The following LRRC27 variants were observed in gnomAD, a reference collection of about 807,000 sequenced individuals.
LRRC27 encodes the protein leucine-rich repeat-containing protein 27.
Under a neutral mutation model 55.0 loss-of-function variants are expected in LRRC27, and 57 were observed. The ratio of observed to expected loss-of-function variants is 1.04; its 90% CI spans 0.84 to 1.29. The LOEUF (loss-of-function observed/expected upper bound fraction) is 1.29, where lower values mean the gene tolerates loss of function less well. LRRC27 is among the 50% of genes most tolerant of loss of function. The pLI, the probability that LRRC27 is intolerant of heterozygous loss-of-function variation, is 0.00. For synonymous variants in LRRC27, 278 were observed against 251.9 expected (o/e 1.10, Z -0.98); for missense variants, 721 against 651.5 (o/e 1.11, Z -1.16).
chr10:132,364,365 GCTTACACCCACCCACA>G (rs1274132251), intron 9 of LRRC27, among the ~76,000 whole-genome samples: 421 of 2,256 alleles, frequency 0.19, 35 homozygotes, highest in African/African-American at 0.25. Context: ...CCACACCCGC[GCTTACACCCACCCACA>G]CTTACACCCA....
chr10:132,366,787 C>T, intron 10 of LRRC27: 1 of 1,174,084 alleles, frequency 8.5e-7, no homozygotes, highest in South Asian at 1.5e-5. Context: ...GCCTTCCTGT[C>T]CCCACACCCC....
intron 4 of LRRC27, among the ~76,000 whole-genome samples, chr10:132,343,906 C>T (rs542299062): frequency 2.1e-3 from 326 of 152,370 alleles, no homozygotes; most frequent in African/African-American, 7.4e-3. Context: ...CTGCCCACCA[C>T]GGGAGCCTTA....
chr10:132,373,003 C>T (rs1432542562), intron 10 of LRRC27, among the ~76,000 whole-genome samples: 1 of 152,068 alleles, frequency 6.6e-6, no homozygotes, highest in Non-Finnish European at 1.5e-5. Context: ...GGGGAGCGAG[C>T]TTCGAATGGA....
Position 132,375,772 on chromosome 10 carries a change from G to A in LRRC27, c.*530G>A, listed in dbSNP as rs1025226077. 2 of 152,820 alleles carry A rather than the reference G, an allele frequency of 1.3e-5. No individual in the cohort carries two copies. The highest frequency in any genetic ancestry group is 2.9e-5 in the Non-Finnish European group (2 of 68,626). The allele number at this position is 152,820 out of a possible 1,614,324, so 9.5% of individuals were successfully genotyped here. On this transcript the variant is annotated 3_prime_UTR_variant, in exon 11 of 11. Transcript: ENST00000368614. ...TCCCCTGGGGGCCCTCCTTTCCCCT[G>A]CTCCCTGCCCAGCTACGGGGCCCTC... is the stretch of plus-strand genomic sequence containing the variant.
intron 3 of LRRC27, among the ~76,000 whole-genome samples, chr10:132,340,912 G>A (rs1159342214): frequency 1.3e-5 from 2 of 150,264 alleles, no homozygotes; most frequent in African/African-American, 4.9e-5. Context: ...AAATAACAAG[G>A]AAAATCCAAG....
chr10:132,372,049 G>C lies in LRRC27; in HGVS notation c.1417-3017G>C, dbSNP rs532176989. Among the ~76,000 whole-genome samples the C allele has an allele frequency of 4.0e-4, 61 of 152,414 alleles. No individual in the cohort carries two copies. In the South Asian group the frequency reaches 0.013, roughly 32 times the overall value. ...AGCAAAATGCCAGCAAAGATGCACA[G>C]TGATGCAGCCCCAGAGCCTGAAAAG... On this transcript the variant is annotated intron_variant, in intron 10 of 10. Transcript: ENST00000368614. This position sits in a 1 kb window ranked among gnomAD's most constrained non-coding sequence, Gnocchi z 4.0.
chr10:132,344,687 G>A (rs369400369), intron 5 of LRRC27, 37 bp downstream of exon 5: 15 of 1,603,126 alleles, frequency 9.4e-6, no homozygotes, highest in Admixed American at 5.0e-5. Flanking sequence ...TCACATTAAC[G>A]TTGAAGTTAC....
intron 2 of LRRC27, chr10:132,337,173 A>G (rs186059933): frequency 2.3e-5 from 27 of 1,177,790 alleles, no homozygotes; most frequent in Admixed American, 9.1e-5. Flanking sequence ...TTTGCTCAGT[A>G]AGCAGGCGAT....
rs373942485 is a variant in LRRC27, at chr10:132,365,535, C to T, written c.1401C>T (p.Ala467=). Residue 467 remains alanine, a synonymous_variant, in exon 10 of 11, where the codon GCC becomes GCT. Transcript: ENST00000368614. ...QAPLEEMRKA[A]EDLEIATELQ... Reference sequence around the variant, plus strand: ...CACTGGAGGAGATGAGGAAGGCTGCCGAGGATCTGGAAATTGTAAGGATTT... The same window carrying T: ...CACTGGAGGAGATGAGGAAGGCTGCTGAGGATCTGGAAATTGTAAGGATTT... The T allele has an allele frequency of 8.5e-5, 137 of 1,613,352 alleles. No individual in the cohort carries two copies. Among genetic ancestry groups the T allele is most frequent in the Middle Eastern group, 3.3e-4 (2 of 6,062 alleles).
intron 10 of LRRC27, among the ~76,000 whole-genome samples, chr10:132,368,532 T>C (rs770619784): frequency 5.3e-5 from 8 of 152,252 alleles, no homozygotes; most frequent in South Asian, 2.1e-4. Flanking sequence ...TTAACTGATA[T>C]GACAGAGGAG....
intron 8 of LRRC27, among the ~76,000 whole-genome samples, chr10:132,360,388 G>A (rs557931795): frequency 2.0e-5 from 3 of 152,136 alleles, no homozygotes; most frequent in Non-Finnish European, 4.4e-5. Context: ...GAGCCACTGC[G>A]CCCGGCCAGG....
chr10:132,365,434 G>A lies in LRRC27; in HGVS notation c.1300G>A (p.Glu434Lys), dbSNP rs1374333674. 3.7e-6 allele frequency: 6 copies of A among 1,613,502 alleles called. No homozygotes were observed. The highest frequency in any genetic ancestry group is 2.2e-5 in the East Asian group (1 of 44,892). The change falls in exon 10 of 11, where the codon GAG becomes AAG. Residue 434 changes from glutamate to lysine, a missense_variant. Glu to Lys is a moderately conservative substitution (Grantham distance 56). Coordinates refer to ENST00000368614, the MANE Select transcript of LRRC27 (RefSeq NM_030626.3). The stretch of plus-strand genomic sequence containing the variant: ...CCCTTTGTTTCTCAGTGCCCTGCAG[G>A]AGAGAAATTTAGAAGAGAAGATAAA... ...QASKEMSALQ[E>K]RNLEEKIKQH...
At chr10:132,364,445 A>ACGCCCACACTCACACC (rs1564853403) in intron 9 of LRRC27, among the ~76,000 whole-genome samples, 4 of 118,196 alleles carry the variant, frequency 3.4e-5, no homozygotes, top group African/African-American at 1.1e-4. Flanking sequence ...ATCTACCTCC[A>ACGCCCACACTCACACC]CACCCACACT....
intron 10 of LRRC27, among the ~76,000 whole-genome samples, chr10:132,368,430 T>TAAAG (rs1337287299): frequency 6.6e-6 from 1 of 152,178 alleles, no homozygotes; most frequent in Non-Finnish European, 1.5e-5. Flanking sequence ...TTGAAGACTC[T>TAAAG]AAAGCTACAA....
chr10:132,358,201 C>G (rs1024403291), intron 8 of LRRC27, among the ~76,000 whole-genome samples: 1 of 152,200 alleles, frequency 6.6e-6, no homozygotes, highest in Non-Finnish European at 1.5e-5. Context: ...AAGAGGAAAT[C>G]CAAGCCACCG....
chr10:132,370,249 G>A (rs2069182856), intron 10 of LRRC27, among the ~76,000 whole-genome samples: 3 of 152,200 alleles, frequency 2.0e-5, no homozygotes, highest in Non-Finnish European at 2.9e-5. Flanking sequence ...AGTTCCTGAT[G>A]AAGGGTTCAC....
At chr10:132,358,096 C>T (rs1191738154) in intron 8 of LRRC27, among the ~76,000 whole-genome samples, 3 of 152,218 alleles carry the variant, frequency 2.0e-5, no homozygotes, top group Non-Finnish European at 2.9e-5. Context: ...CCTAAATGTT[C>T]ATATCTAATA....
intron 9 of LRRC27, among the ~76,000 whole-genome samples, chr10:132,365,183 CT>C (rs973540063): frequency 1.8e-4 from 28 of 152,218 alleles, no homozygotes; most frequent in African/African-American, 5.1e-4. Context: ...CTGGCAGCTT[CT>C]GAACTACTGA....
In LRRC27 at chr10:132,378,628, T is replaced by A. The variant is rs1311768190; in HGVS notation, c.*3386T>A. 6.6e-6 allele frequency: 1 copy of A among 152,286 alleles called. No homozygotes were observed. The highest frequency in any genetic ancestry group is 1.5e-5 in the Non-Finnish European group (1 of 68,068). 9.4% of individuals were successfully genotyped at this position (152,286 alleles called of 1,614,324 possible). A position where few individuals can be genotyped will look rare whatever the true frequency, so the allele number is the denominator to read the frequency against. ...TCAGGCTAGATGCCTCCTGTCTACG[T>A]GGTTTTAGATTTACGAATCCTGTCT... On this transcript the variant is annotated 3_prime_UTR_variant, in exon 11 of 11. Transcript: ENST00000368614.
Sources: gnomAD v4.1 joint callset for allele counts (sites outside exome capture counted in the v4.1 genomes callset) on GRCh38, gnomAD v4.1.1 for gene constraint, Gnocchi (gnomAD v3.1) non-coding constraint, MANE v1.5 for transcripts, NCBI Gene and HGNC (gene_info 2026-07-23, HGNC 2026-07-21) for gene names.